The following NFIB variants were observed in gnomAD, a reference collection of about 807,000 sequenced individuals.
The protein encoded by NFIB is nuclear factor I B.
Under a neutral mutation model 61.5 loss-of-function variants are expected in NFIB, and 11 were observed. The observed-to-expected ratio is 0.18, with a 90% CI of 0.11 to 0.30. The LOEUF is 0.30. Ranked by LOEUF, NFIB falls within the 10% of genes least tolerant of loss-of-function variation. NFIB has a pLI of 1.00. For missense variants in NFIB, 471 were observed against 608.9 expected, an observed-to-expected ratio of 0.77 and a Z score of 2.38; for synonymous variants, 260 against 216.5, an observed-to-expected ratio of 1.20 and a Z score of -1.76.
intron 1 of NFIB, among the ~76,000 whole-genome samples, chr9:14,392,648 G>A (rs73419675): frequency 0.067 from 10,133 of 151,964 alleles, 469 homozygotes; most frequent in East Asian, 0.18. Context: ...TGAACCCAGG[G>A]GGCAGAGGCT....
chr9:14,262,652 C>T (rs758805229), intron 2 of NFIB, among the ~76,000 whole-genome samples: 17 of 152,180 alleles, frequency 1.1e-4, no homozygotes, highest in Admixed American at 1.1e-3. Flanking sequence ...TTCTGAGATG[C>T]CTTCTCCTTT....
rs1165463953 is a variant in NFIB at position 14,313,357 on chromosome 9, G to C, written c.30+125C>G. 1.4e-6 allele frequency: 2 copies of C among 1,380,604 alleles called. No homozygotes were observed. Among genetic ancestry groups the C allele is most frequent in the East Asian group, 2.6e-5 (1 of 38,286 alleles). The allele number at this position is 1,380,604 out of a possible 1,614,324, so 85.5% of individuals were successfully genotyped here. A position where few individuals can be genotyped will look rare whatever the true frequency, so the allele number is the denominator to read the frequency against. ...GCCCCGCGACGCCCGCTGCAACTCC[G>C]GGCCACTTCTCCAAGGGACGGGGAT... is the stretch of plus-strand genomic sequence containing the variant. On this transcript the variant is annotated intron_variant, in intron 1 of 10. Transcript: ENST00000380953. The surrounding 1 kb of genome is among the most constrained non-coding windows in gnomAD (Gnocchi z 4.5).
intron 2 of NFIB, among the ~76,000 whole-genome samples, chr9:14,214,986 C>A (rs1205528220): frequency 6.6e-6 from 1 of 152,206 alleles, no homozygotes; most frequent in Non-Finnish European, 1.5e-5. Context: ...GGCTTGGGAG[C>A]AACGGCCAAA....
At chr9:14,308,428 C>T (rs1338048033) in intron 1 of NFIB, among the ~76,000 whole-genome samples, 1 of 152,208 alleles carries the variant, frequency 6.6e-6, no homozygotes, top group Admixed American at 6.5e-5. Flanking sequence ...CATGAATGTT[C>T]TTCCATCAGC....
At chr9:14,130,570 G>A (rs754625002) in intron 6 of NFIB, among the ~76,000 whole-genome samples, 2 of 151,848 alleles carry the variant, frequency 1.3e-5, no homozygotes, top group African/African-American at 2.4e-5. Flanking sequence ...TATCCACTGC[G>A]TATGCTTTTT....
At chr9:14,182,162 G>T (rs1048242900) in intron 2 of NFIB, among the ~76,000 whole-genome samples, 4 of 152,008 alleles carry the variant, frequency 2.6e-5, no homozygotes, top group African/African-American at 9.7e-5. Context: ...CAACTTCTTC[G>T]ATTGAAAAAA....
intron 2 of NFIB, among the ~76,000 whole-genome samples, chr9:14,291,640 T>TA (rs988368292): frequency 2.8e-4 from 42 of 151,620 alleles, no homozygotes; most frequent in Admixed American, 2.1e-3. Flanking sequence ...GTTTTAAACT[T>TA]AAAAAAAAAT....
At position 14,313,229 on chromosome 9, in the gene NFIB, C is replaced by A. The variant is rs562069171; in HGVS notation, c.30+253G>T. ...CTTACAGGTCCCGGCCCTGCCCACCCCCCGGCGGCCTTGCCCGGCCCAGCG... is the reference window on the plus strand; with the variant it reads ...CTTACAGGTCCCGGCCCTGCCCACCACCCGGCGGCCTTGCCCGGCCCAGCG... On this transcript the variant is annotated intron_variant, in intron 1 of 10. Transcript: ENST00000380953. The surrounding 1 kb of genome is among the most constrained non-coding windows in gnomAD (Gnocchi z 4.5). Among the ~76,000 whole-genome samples the A allele has an allele frequency of 1.6e-4, 25 of 151,764 alleles. No individual in the cohort carries two copies. In the East Asian group the frequency reaches 4.9e-3, roughly 29 times the overall value.
intron 2 of NFIB, among the ~76,000 whole-genome samples, chr9:14,243,700 C>T (rs1239002749): frequency 3.3e-5 from 5 of 151,882 alleles, no homozygotes; most frequent in Non-Finnish European, 5.9e-5. Context: ...CATTTTTCTT[C>T]GTAAAAGTTC....
chr9:14,394,354 A>G (rs1274384313), intron 1 of NFIB, among the ~76,000 whole-genome samples: 1 of 152,250 alleles, frequency 6.6e-6, no homozygotes, highest in Non-Finnish European at 1.5e-5. Context: ...CTGCTAATAA[A>G]GACATACCTG....
intron 8 of NFIB, among the ~76,000 whole-genome samples, chr9:14,118,679 A>G (rs964491376): frequency 1.3e-5 from 2 of 152,076 alleles, no homozygotes; most frequent in Non-Finnish European, 2.9e-5. Context: ...AGGTGAAGCT[A>G]ACAGCATTAG....
At chr9:14,210,576 C>G (rs998536890) in intron 2 of NFIB, among the ~76,000 whole-genome samples, 3 of 151,894 alleles carry the variant, frequency 2.0e-5, no homozygotes, top group African/African-American at 7.2e-5. Flanking sequence ...ACCCACACCC[C>G]TCCATTAATC....
At chr9:14,416,478 A>C in the NFIB span, among the ~76,000 whole-genome samples, 7 of 151,696 alleles carry the variant, frequency 4.6e-5, no homozygotes, top group African/African-American at 1.7e-4. Flanking sequence ...GCCCAGGCTA[A>C]TGTGTGTGTT....
chr9:14,466,491 C>T, the NFIB span, among the ~76,000 whole-genome samples: 2 of 152,076 alleles, frequency 1.3e-5, no homozygotes, highest in South Asian at 2.1e-4. Flanking sequence ...TCATACTTCC[C>T]ACTCTGTTGG....
At chr9:14,326,447 C>T (rs1327186521) in intron 1 of NFIB, among the ~76,000 whole-genome samples, 1 of 152,148 alleles carries the variant, frequency 6.6e-6, no homozygotes, top group Admixed American at 6.5e-5. Context: ...AATAAATATA[C>T]ACATGCAGTG....
intron 2 of NFIB, among the ~76,000 whole-genome samples, chr9:14,257,968 T>A (rs1198593946): frequency 6.6e-6 from 1 of 152,194 alleles, no homozygotes; most frequent in East Asian, 1.9e-4. Flanking sequence ...TAGATTTTGT[T>A]TAAATAATAC....
At chr9:14,463,659 C>CTTCTT in the NFIB span, among the ~76,000 whole-genome samples, 31 of 65,812 alleles carry the variant, frequency 4.7e-4, no homozygotes, top group East Asian at 0.015. Context: ...ATTTGATTTT[C>CTTCTT]TTTTTTTTTT....
At chr9:14,458,601 T>A in the NFIB span, among the ~76,000 whole-genome samples, 6,538 of 152,264 alleles carry the variant, frequency 0.043, 160 homozygotes, top group Non-Finnish European at 0.054. Flanking sequence ...ATGACATGAT[T>A]GTATATCTAG....
At chr9:14,507,513 A>C in the NFIB span, among the ~76,000 whole-genome samples, 1 of 152,340 alleles carries the variant, frequency 6.6e-6, no homozygotes, top group African/African-American at 2.4e-5. Context: ...AAAATAATGG[A>C]AAGTGGGCAA....
Sources: gnomAD v4.1 joint callset for allele counts (sites outside exome capture counted in the v4.1 genomes callset) on GRCh38, gnomAD v4.1.1 for gene constraint, Gnocchi (gnomAD v3.1) non-coding constraint, MANE v1.5 for transcripts, NCBI Gene and HGNC (gene_info 2026-07-23, HGNC 2026-07-21) for gene names.